Variants in RNF213 observed in about 807,000 individuals in gnomAD.
The protein encoded by RNF213 is ring finger protein 213.
In RNF213, 341 loss-of-function variants were observed where a neutral mutation model predicts 514.4. That is an observed-to-expected ratio of 0.66 (90% CI 0.61 to 0.73). The LOEUF (loss-of-function observed/expected upper bound fraction) is 0.73. Ranked by LOEUF, RNF213 falls within the 30% of genes least tolerant of loss-of-function variation. RNF213 has a pLI of 0.00. For missense variants in RNF213, 5,767 were observed against 6,615.6 expected (o/e 0.87, Z 4.45); for synonymous variants, 2,655 against 2,658.2 (o/e 1.00, Z 0.04).
Position 80,343,404 on chromosome 17 carries a change from G to A in RNF213, c.6183+79G>A. On this transcript the variant is annotated intron_variant, in intron 27 of 67. Transcript: ENST00000582970. The surrounding 1 kb of genome is among the most constrained non-coding windows in gnomAD (Gnocchi z 4.3). Reference sequence around the variant, plus strand: ...ATGTCTCTGCGTGACTCCTCCCCGTGTATAGAATTCCTTGTTTCCACACGC... The same window carrying A: ...ATGTCTCTGCGTGACTCCTCCCCGTATATAGAATTCCTTGTTTCCACACGC... 1 of 1,246,430 alleles carries A rather than the reference G, an allele frequency of 8.0e-7. No homozygotes were observed. The highest frequency in any genetic ancestry group is 1.2e-6 in the Non-Finnish European group (1 of 868,182). 77.2% of individuals were successfully genotyped at this position (1,246,430 alleles called of 1,614,324 possible).
chr17:80,307,216 C>T lies in RNF213; in HGVS notation c.2501+15C>T, dbSNP rs769292890. On this transcript the variant is annotated intron_variant, in intron 13 of 67. Transcript: ENST00000582970. The stretch of plus-strand genomic sequence containing the variant: ...TACCGGGACAAGTAAGTGGAAAGCA[C>T]GATGCAGTCTCTCCCTCACATGCGG... 1.5e-5 allele frequency: 25 copies of T among 1,612,934 alleles called. No homozygotes were observed. The highest frequency in any genetic ancestry group is 5.5e-5 in the South Asian group (5 of 91,048).
chr17:80,385,583 C>T lies in RNF213; in HGVS notation c.14501C>T (p.Ser4834Phe). The change falls in exon 61 of 68, where the codon TCC becomes TTC. Residue 4834 changes from serine to phenylalanine, a missense_variant. Transcript: ENST00000582970. ...CACAACAGGATCACAGTCTTTCTGTCCACATGGAACAAACTGAGGAGATCG... is the reference window on the plus strand; with the variant it reads ...CACAACAGGATCACAGTCTTTCTGTTCACATGGAACAAACTGAGGAGATCG... ...LLHNRITVFL[S>F]TWNKLRRSLE... 1 of 1,614,184 alleles carries T rather than the reference C, an allele frequency of 6.2e-7. No individual in the cohort carries two copies. Among genetic ancestry groups the T allele is most frequent in the Non-Finnish European group, 8.5e-7 (1 of 1,180,026 alleles).
Position 80,376,393 on chromosome 17 carries a change from T to C in RNF213, c.13278T>C (p.Ser4426=). The change falls in exon 52 of 68, where the codon TCT becomes TCC. Residue 4426 remains serine, a synonymous_variant. Coordinates refer to ENST00000582970, the MANE Select transcript of RNF213 (RefSeq NM_001256071.3). ...TTGCAACATCGCTCGTGGACAATTC[T>C]GTGCCATTGTTGAGGGCGGGGCCTA... is the stretch of plus-strand genomic sequence containing the variant. ...SRFATSLVDN[S]VPLLRAGPSD... is the part of the protein sequence containing the mutation. The C allele has an allele frequency of 1.2e-6, 2 of 1,614,236 alleles. No individual in the cohort carries two copies. The highest frequency in any genetic ancestry group is 1.7e-6 in the Non-Finnish European group (2 of 1,180,040).
chr17:80,370,995 A>G (rs2144498573), intron 46 of RNF213, among the ~76,000 whole-genome samples: 1 of 139,392 alleles, frequency 7.2e-6, no homozygotes, highest in South Asian at 2.4e-4. Context: ...TTGTGGTGAT[A>G]TTAATGAATA....
intron 38 of RNF213, 77 bp from the exon 39 acceptor site, chr17:80,361,657 C>T: frequency 6.4e-7 from 1 of 1,557,972 alleles, no homozygotes; most frequent in East Asian, 2.3e-5. Flanking sequence ...TTCCCCTTCA[C>T]TCCGGAGCCC....
Position 80,353,892 on chromosome 17 carries a change from C to A in RNF213, c.10579-127C>A. The A allele has an allele frequency of 1.5e-6, 2 of 1,350,014 alleles. No homozygotes were observed. The highest frequency in any genetic ancestry group is 2.1e-6 in the Non-Finnish European group (2 of 963,308). The allele number at this position is 1,350,014 out of a possible 1,614,324, so 83.6% of individuals were successfully genotyped here. A position where few individuals can be genotyped will look rare whatever the true frequency, so the allele number is the denominator to read the frequency against. ...TGCAGGGCGGAGGTCGGCGTCTCTT[C>A]TTTGTCCGTGAGGACCGCCGCCCTG... On this transcript the variant is annotated intron_variant, in intron 34 of 67. Transcript: ENST00000582970. The surrounding 1 kb of genome is among the most constrained non-coding windows in gnomAD (Gnocchi z 5.0).
chr17:80,309,829 T>C (rs376391467), intron 14 of RNF213, among the ~76,000 whole-genome samples: 24 of 151,588 alleles, frequency 1.6e-4, no homozygotes, highest in African/African-American at 5.3e-4. Context: ...GATCTCGGCT[T>C]ACTGCAAGCT....
chr17:80,281,536 ATACCACTCACACACCCCCCAAGACAAACG>A (rs2143075087), intron 3 of RNF213, among the ~76,000 whole-genome samples: 1 of 38,556 alleles, frequency 2.6e-5, no homozygotes. Context: ...TGCCCCACTC[ATACCACTCACACACCCCCCAAGACAAACG>A]CCCCACTCAC....
chr17:80,278,977 G>A (rs983378850), intron 3 of RNF213: 19 of 1,523,242 alleles, frequency 1.2e-5, no homozygotes, highest in East Asian at 9.8e-5. Context: ...AGCCTGGCAC[G>A]GCCACCTCGC....
At chr17:80,391,285 T>C (rs893769684) in intron 67 of RNF213, among the ~76,000 whole-genome samples, 1 of 152,216 alleles carries the variant, frequency 6.6e-6, no homozygotes, top group African/African-American at 2.4e-5. Flanking sequence ...TTATGTTTTA[T>C]TTTTTGAGAC....
chr17:80,298,197 A>G (rs2045031729), intron 10 of RNF213, 124 bp from the exon 11 acceptor site: 4 of 985,658 alleles, frequency 4.1e-6, no homozygotes, highest in Non-Finnish European at 6.2e-6. Flanking sequence ...AACTCTGCTC[A>G]GCCACGCGCG....
chr17:80,339,755 C>T lies in RNF213; in HGVS notation c.5388C>T (p.Cys1796=). 1 of 1,537,014 alleles carries T rather than the reference C, an allele frequency of 6.5e-7. No homozygotes were observed. Among genetic ancestry groups the T allele is most frequent in the South Asian group, 1.2e-5 (1 of 84,034 alleles). The change falls in exon 26 of 68, where the codon TGC becomes TGT. Residue 1796 remains cysteine, a synonymous_variant. Coordinates refer to ENST00000582970, the MANE Select transcript of RNF213 (RefSeq NM_001256071.3). ...GCCTTCCTGCCTTCCTGCCCGACTG[C>T]CTCGACCTAGAGACCCTTGGCCACT... ...MRCLPAFLPD[C]LDLETLGHCL...
chr17:80,357,076 G>C (rs1599114625), intron 36 of RNF213, among the ~76,000 whole-genome samples: 1 of 151,800 alleles, frequency 6.6e-6, no homozygotes, highest in Non-Finnish European at 1.5e-5. Flanking sequence ...CTGCCACCAC[G>C]ACTGTAATTT....
Position 80,287,934 on chromosome 17 carries a change from G to A in RNF213, c.381G>A (p.Trp127Ter), listed in dbSNP as rs536873602. Residue 127 changes from tryptophan (W) to a stop codon, truncating the protein, a stop_gained, in exon 4 of 68, where the codon TGG becomes TGA. Coordinates refer to ENST00000582970, the MANE Select transcript of RNF213 (RefSeq NM_001256071.3). LOFTEE classifies it high-confidence loss of function. ...ACCTGACTTTGCTTTCAAACCCGTG[G>A]CCTCAGGACACAGCCCTGCCCCACA... is the stretch of plus-strand genomic sequence containing the variant. ...PCHLTLLSNP[W>*]PQDTALPHSQ... is the part of the protein sequence containing the mutation. 6.4e-7 allele frequency: 1 copy of A among 1,569,484 alleles called. No homozygotes were observed. The highest frequency in any genetic ancestry group is 1.2e-5 in the South Asian group (1 of 86,414).
intron 20 of RNF213, among the ~76,000 whole-genome samples, chr17:80,329,238 A>G (rs570075668): frequency 6.6e-6 from 1 of 152,302 alleles, no homozygotes; most frequent in Non-Finnish European, 1.5e-5. Flanking sequence ...TGGCTTCCTG[A>G]GAAAAGGGCG....
chr17:80,355,251 A>C, intron 36 of RNF213: 1 of 453,780 alleles, frequency 2.2e-6, no homozygotes. Flanking sequence ...CTTCTGTGCC[A>C]GTGATAGGTT....
In RNF213 at chr17:80,353,073, C is replaced by T. The variant is rs779435659; in HGVS notation, c.10423+14C>T. On this transcript the variant is annotated intron_variant, in intron 33 of 67. Transcript: ENST00000582970. The surrounding 1 kb of genome is among the most constrained non-coding windows in gnomAD (Gnocchi z 5.0). Reference sequence around the variant, plus strand: ...ACTTGCCTGAGCGTGAGTCACGAGGCGGAGCCCCTGGGGGAGCAGGTGGTG... The same window carrying T: ...ACTTGCCTGAGCGTGAGTCACGAGGTGGAGCCCCTGGGGGAGCAGGTGGTG... 1.8e-5 allele frequency: 29 copies of T among 1,610,432 alleles called. No individual in the cohort carries two copies. The East Asian group carries it at 2.4e-4, about 14-fold the overall frequency.
chr17:80,336,874 C>A, intron 23 of RNF213: 1 of 216,586 alleles, frequency 4.6e-6, no homozygotes. Context: ...GTACTCCAGC[C>A]TGAGTGACAA....
rs1321314495 is a variant in RNF213, at chr17:80,343,703, G to A, written c.6184-154G>A. 6.6e-6 allele frequency among the ~76,000 whole-genome samples: 1 copy of A among 152,194 alleles called. No homozygotes were observed. Among genetic ancestry groups the A allele is most frequent in the African/African-American group, 2.4e-5 (1 of 41,450 alleles). ...AAATATAGTATTAGGATTTTATGGG[G>A]CTGCCCTTGGAGACATGGGCCGTTG... On this transcript the variant is annotated intron_variant, in intron 27 of 67. Coordinates refer to ENST00000582970, the MANE Select transcript of RNF213 (RefSeq NM_001256071.3). The surrounding 1 kb of genome is among the most constrained non-coding windows in gnomAD (Gnocchi z 4.3).
Sources: gnomAD v4.1 joint callset for allele counts (sites outside exome capture counted in the v4.1 genomes callset) on GRCh38, gnomAD v4.1.1 for gene constraint, Gnocchi (gnomAD v3.1) non-coding constraint, MANE v1.5 for transcripts, NCBI Gene and HGNC (gene_info 2026-07-23, HGNC 2026-07-21) for gene names.